Variants in CELF2 observed in about 807,000 individuals in gnomAD.
CELF2 encodes the protein CUGBP Elav-like family member 2.
In CELF2, 8 loss-of-function variants were observed where a neutral mutation model predicts 62.6. That is an observed-to-expected ratio of 0.13 (90% confidence interval 0.07 to 0.23). CELF2 has a LOEUF of 0.23. CELF2 is among the 10% of genes least tolerant of loss of function. CELF2 has a pLI of 1.00. For synonymous variants in CELF2, 258 were observed against 250.0 expected (o/e 1.03, Z -0.30); for missense variants, 333 against 671.0 (o/e 0.50, Z 5.56).
the CELF2 span, among the ~76,000 whole-genome samples, chr10:10,665,454 A>C: frequency 6.6e-6 from 1 of 152,282 alleles, no homozygotes; most frequent in South Asian, 2.1e-4. Flanking sequence ...TTTTTCTTGT[A>C]ATCTAAACAT....
In CELF2 at chr10:11,193,855, A is replaced by G. The variant is rs74497109; in HGVS notation, c.272-23570A>G. Among the ~76,000 whole-genome samples the G allele has an allele frequency of 1.1e-4, 17 of 152,196 alleles. No individual in the cohort carries two copies. In the East Asian group the frequency reaches 3.3e-3, roughly 29 times the overall value. On this transcript the variant is annotated intron_variant, in intron 2 of 12. Coordinates refer to ENST00000633077, the MANE Select transcript of CELF2 (RefSeq NM_001326342.2). ...GACGCTTCATGTTTATAGATTTATG[A>G]AGTATTGGTTCTCAGTATAACCTGG...
At chr10:11,187,576 C>A (rs951047411) in intron 2 of CELF2, among the ~76,000 whole-genome samples, 3 of 110,450 alleles carry the variant, frequency 2.7e-5, no homozygotes, top group African/African-American at 4.4e-5. Context: ...TAAGGTCGCC[C>A]CCCCCCCAAC....
the CELF2 span, among the ~76,000 whole-genome samples, chr10:10,514,235 G>A: frequency 1.3e-5 from 2 of 152,210 alleles, no homozygotes; most frequent in African/African-American, 2.4e-5. Context: ...AATATTATAA[G>A]TATAGAAGTT....
upstream of CELF2, among the ~76,000 whole-genome samples, chr10:10,795,787 T>C (rs1447828807): frequency 6.6e-6 from 1 of 152,172 alleles, no homozygotes; most frequent in African/African-American, 2.4e-5. Context: ...CTTCTTGGAC[T>C]CAATGCATCC....
chr10:10,762,334 A>G, the CELF2 span, among the ~76,000 whole-genome samples: 3 of 152,152 alleles, frequency 2.0e-5, no homozygotes, highest in African/African-American at 7.2e-5. Context: ...AGTAATAGGA[A>G]AGTCAGTGCT....
chr10:11,205,166 C>T (rs1458103003), intron 2 of CELF2, among the ~76,000 whole-genome samples: 2 of 152,192 alleles, frequency 1.3e-5, no homozygotes, highest in African/African-American at 4.8e-5. Flanking sequence ...CAAGTAATTA[C>T]TTCAGAAAGC....
At chr10:11,127,868 A>G (rs2058985886) in intron 1 of CELF2, among the ~76,000 whole-genome samples, 1 of 152,216 alleles carries the variant, frequency 6.6e-6, no homozygotes, top group South Asian at 2.1e-4. Context: ...TTTGCCATGC[A>G]GAAGCTCCTT....
chr10:11,102,831 T>C (rs1355600743), intron 1 of CELF2, among the ~76,000 whole-genome samples: 3 of 152,160 alleles, frequency 2.0e-5, no homozygotes, highest in Non-Finnish European at 4.4e-5. Context: ...TTCTCTCTCA[T>C]TCCCCACAGC....
chr10:10,482,381 A>G, the CELF2 span, among the ~76,000 whole-genome samples: 1 of 152,246 alleles, frequency 6.6e-6, no homozygotes, highest in African/African-American at 2.4e-5. Flanking sequence ...TTACCAAACT[A>G]TGCTTTTATA....
At chr10:10,746,711 T>C in the CELF2 span, among the ~76,000 whole-genome samples, 7 of 152,212 alleles carry the variant, frequency 4.6e-5, no homozygotes, top group African/African-American at 1.7e-4. Context: ...TTCGGTGGTA[T>C]TGATTTTAGA....
chr10:11,186,763 G>A (rs917194315), intron 2 of CELF2, among the ~76,000 whole-genome samples: 2 of 152,126 alleles, frequency 1.3e-5, no homozygotes, highest in African/African-American at 4.8e-5. Context: ...TAAGTATAAT[G>A]CAAATATTCA....
At chr10:11,170,807 C>T (rs2068629453) in intron 2 of CELF2, among the ~76,000 whole-genome samples, 1 of 152,114 alleles carries the variant, frequency 6.6e-6, no homozygotes, top group African/African-American at 2.4e-5. Context: ...TGGATCATCG[C>T]TCTCGTAATG....
At chr10:10,634,658 T>C in the CELF2 span, among the ~76,000 whole-genome samples, 1 of 94,868 alleles carries the variant, frequency 1.1e-5, no homozygotes, top group Non-Finnish European at 2.0e-5. Flanking sequence ...GTTCATTTCT[T>C]TTCTTTTCTT....
At chr10:11,179,756 C>T (rs961860922) in intron 2 of CELF2, among the ~76,000 whole-genome samples, 1 of 152,126 alleles carries the variant, frequency 6.6e-6, no homozygotes, top group Admixed American at 6.6e-5. Context: ...TCTTTCCCCC[C>T]TGAAGGCTCT....
the CELF2 span, among the ~76,000 whole-genome samples, chr10:10,463,274 A>G: frequency 1.3e-5 from 2 of 152,092 alleles, no homozygotes; most frequent in South Asian, 4.1e-4. Context: ...TTCTGTGTAT[A>G]CTCTGCCTGG....
the CELF2 span, among the ~76,000 whole-genome samples, chr10:10,556,688 A>G: frequency 6.6e-5 from 10 of 151,654 alleles, no homozygotes; most frequent in Admixed American, 2.0e-4. Context: ...ATCCTCTCCA[A>G]CACCTGTTGT....
Position 11,321,317 on chromosome 10 carries a change from G to A in CELF2, c.1225G>A (p.Ala409Thr), listed in dbSNP as rs767822043. ...AYSGIQQYAA[A>T]ALPTLYSQSL... ...CTCAGGAATTCAACAGTACGCAGCC[G>A]CCGCGCTGCCCACTCTGTACAGCCA... is the stretch of plus-strand genomic sequence containing the variant. The change falls in exon 11 of 13, where the codon GCC becomes ACC. Residue 409 changes from alanine (A) to threonine (T), a missense_variant. By Grantham distance (58) the Ala-to-Thr change is moderately conservative. Around this residue, in one of 3 missense-constraint regions of CELF2, gnomAD observed 253 missense variants for 503.0 expected, o/e 0.50. Coordinates refer to ENST00000633077, the MANE Select transcript of CELF2 (RefSeq NM_001326342.2). This position sits in a 1 kb window ranked among gnomAD's most constrained non-coding sequence, Gnocchi z 6.2. 3.3e-5 allele frequency: 54 copies of A among 1,612,702 alleles called. No homozygotes were observed. Among genetic ancestry groups the A allele is most frequent in the African/African-American group, 6.7e-5 (5 of 74,912 alleles).
the CELF2 span, among the ~76,000 whole-genome samples, chr10:10,761,780 G>C: frequency 6.6e-6 from 1 of 152,110 alleles, no homozygotes; most frequent in Non-Finnish European, 1.5e-5. Context: ...CAGCTCTACT[G>C]GTTTTCAAGC....
rs147908018 is a variant in CELF2 at position 11,026,418 on chromosome 10, G to A, written c.74+8255G>A. On this transcript the variant is annotated intron_variant, in intron 1 of 12. Transcript: ENST00000633077. ...CCCAGGTGTTTTCTCTTTGGAACTC[G>A]GGGGGAAGACATTGGGTATCAAGTA... 4.3e-3 allele frequency among the ~76,000 whole-genome samples: 662 copies of A among 152,270 alleles called. 3 individuals carry two copies. Among genetic ancestry groups the A allele is most frequent in the African/African-American group, 0.013 (541 of 41,558 alleles).
Sources: allele counts gnomAD v4.1 joint callset (sites outside exome capture counted in the v4.1 genomes callset), GRCh38; gene constraint gnomAD v4.1.1; regional missense constraint gnomAD v4.1.1; non-coding constraint Gnocchi (gnomAD v3.1); transcripts MANE v1.5; gene names NCBI Gene and HGNC (gene_info 2026-07-23, HGNC 2026-07-21).